Variants in PTK2 observed in about 807,000 individuals in gnomAD.
PTK2 encodes focal adhesion kinase 1.
Under a neutral mutation model 150.1 loss-of-function variants are expected in PTK2, and 45 were observed. That is an observed-to-expected ratio of 0.30 (90% CI 0.24 to 0.38). PTK2 has a LOEUF of 0.38. PTK2 is among the 10% of genes least tolerant of loss of function. PTK2 has a pLI of 1.00. For synonymous variants in PTK2, 432 were observed against 449.2 expected, an observed-to-expected ratio of 0.96 and a Z score of 0.48; for missense variants, 919 against 1,307.3, an observed-to-expected ratio of 0.70 and a Z score of 4.58.
chr8:140,878,226 A>G (rs1052495787), intron 4 of PTK2, among the ~76,000 whole-genome samples: 1 of 152,216 alleles, frequency 6.6e-6, no homozygotes, highest in Non-Finnish European at 1.5e-5. Flanking sequence ...TTAGCTTGGT[A>G]CCAGCTACCT....
At chr8:140,736,787 T>C (rs1336323054) in intron 21 of PTK2, among the ~76,000 whole-genome samples, 2 of 152,224 alleles carry the variant, frequency 1.3e-5, no homozygotes, top group Admixed American at 1.3e-4. Context: ...TAGTTCTTTA[T>C]AATGCTTTTC....
chr8:140,996,733 G>A (rs1043620602), intron 1 of PTK2, among the ~76,000 whole-genome samples: 4 of 152,198 alleles, frequency 2.6e-5, no homozygotes, highest in African/African-American at 9.7e-5. Context: ...GAGATCTACT[G>A]CTCAGAAAAA....
intron 8 of PTK2, among the ~76,000 whole-genome samples, chr8:140,824,321 G>A (rs551779046): frequency 1.3e-5 from 2 of 152,280 alleles, no homozygotes; most frequent in Admixed American, 6.5e-5. Context: ...TTTTTCTGTA[G>A]GCGGTGTTAC....
intron 7 of PTK2, among the ~76,000 whole-genome samples, chr8:140,843,804 C>A (rs764268980): frequency 6.6e-6 from 1 of 151,678 alleles, no homozygotes; most frequent in Non-Finnish European, 1.5e-5. Context: ...TAATATCTTG[C>A]ATTACTTTGG....
At chr8:140,934,514 T>C (rs2100172969) in intron 1 of PTK2, 1 of 152,208 alleles carries the variant, frequency 6.6e-6, no homozygotes, top group Non-Finnish European at 1.5e-5. Context: ...CCTTGATTCC[T>C]TAACTTTAGA....
At chr8:140,827,185 T>TA (rs2100112276) in intron 8 of PTK2, among the ~76,000 whole-genome samples, 1 of 152,000 alleles carries the variant, frequency 6.6e-6, no homozygotes, top group Non-Finnish European at 1.5e-5. Flanking sequence ...CCCCCTCAAC[T>TA]CCTACCTCAG....
intron 1 of PTK2, among the ~76,000 whole-genome samples, chr8:140,964,993 G>C (rs2100184738): frequency 6.6e-6 from 1 of 152,154 alleles, no homozygotes; most frequent in African/African-American, 2.4e-5. Context: ...CTGCTATCAT[G>C]AACGGATATG....
intron 1 of PTK2, among the ~76,000 whole-genome samples, chr8:140,974,997 A>G (rs1450944893): frequency 2.6e-5 from 4 of 152,248 alleles, no homozygotes; most frequent in African/African-American, 9.6e-5. Context: ...TCACGCCTGT[A>G]GATGAACTCA....
chr8:140,761,205 C>T, exon 16 of PTK2: 1 of 1,613,084 alleles, frequency 6.2e-7, no homozygotes, highest in Non-Finnish European at 8.5e-7. Context: ...TCCAAATTGG[C>T]CTTCTCCAAT....
At chr8:140,830,891 GGTAATACT>G (rs1176268506) in intron 7 of PTK2, among the ~76,000 whole-genome samples, 1 of 151,832 alleles carries the variant, frequency 6.6e-6, no homozygotes, top group Non-Finnish European at 1.5e-5. Flanking sequence ...CTTCCAACTG[GGTAATACT>G]GTATTTGTAG....
At chr8:140,798,068 G>C (rs2100092752) in intron 12 of PTK2, among the ~76,000 whole-genome samples, 1 of 152,134 alleles carries the variant, frequency 6.6e-6, no homozygotes, top group South Asian at 2.1e-4. Context: ...TTACTGTCAT[G>C]CTATGTTATG....
chr8:140,964,547 A>ATTTTT (rs1025644210), intron 1 of PTK2, among the ~76,000 whole-genome samples: 4 of 76,814 alleles, frequency 5.2e-5, no homozygotes, highest in Admixed American at 1.8e-4. Flanking sequence ...GCCCCAGGTA[A>ATTTTT]TTTTTTTTTT....
In PTK2 at chr8:140,942,131, A is replaced by C. The variant is rs1201039186; in HGVS notation, c.-121-16382T>G. On this transcript the variant is annotated intron_variant, in intron 1 of 31. Coordinates refer to ENST00000522684, the Ensembl canonical transcript of PTK2. ...TGGGCTCAAGCGATCCTCCCACCTCAGCCTCCCAAAGGGTTGGGATTACAG... is the reference window on the plus strand; with the variant it reads ...TGGGCTCAAGCGATCCTCCCACCTCCGCCTCCCAAAGGGTTGGGATTACAG... 2.0e-5 allele frequency among the ~76,000 whole-genome samples: 3 copies of C among 152,278 alleles called. No homozygotes were observed. The South Asian group carries it at 6.2e-4, about 32-fold the overall frequency.
chr8:140,877,412 TC>T (rs1178305124), intron 4 of PTK2, among the ~76,000 whole-genome samples: 2 of 152,148 alleles, frequency 1.3e-5, no homozygotes, highest in Non-Finnish European at 2.9e-5. Flanking sequence ...AGATAGGCAA[TC>T]TAATTTTTAA....
intron 1 of PTK2, among the ~76,000 whole-genome samples, chr8:140,975,973 T>C (rs551085205): frequency 2.7e-4 from 41 of 152,258 alleles, no homozygotes; most frequent in Non-Finnish European, 4.1e-4. Context: ...CCTGTGCCTT[T>C]AGTAGTAAAA....
At chr8:140,918,937 A>G (rs560564794) in intron 2 of PTK2, among the ~76,000 whole-genome samples, 1 of 152,314 alleles carries the variant, frequency 6.6e-6, no homozygotes, top group East Asian at 1.9e-4. Flanking sequence ...CTTATCACAC[A>G]GATAAAAATT....
intron 11 of PTK2, 101 bp from the exon 12 acceptor site, chr8:140,800,677 G>C (rs1170158005): frequency 2.4e-6 from 2 of 830,718 alleles, no homozygotes; most frequent in Non-Finnish European, 4.0e-6. Flanking sequence ...CTTGAAAACA[G>C]AGAAGAGTGG....
At chr8:140,813,882 T>A (rs560074244) in intron 10 of PTK2, among the ~76,000 whole-genome samples, 205 of 150,872 alleles carry the variant, frequency 1.4e-3, no homozygotes, top group African/African-American at 4.0e-3. Context: ...GTTGTTTTTT[T>A]AAAAAAAAAT....
At chr8:140,804,228 CTTTT>C (rs11449247) in intron 10 of PTK2, among the ~76,000 whole-genome samples, 4 of 147,270 alleles carry the variant, frequency 2.7e-5, no homozygotes, top group Admixed American at 6.8e-5. Flanking sequence ...TTGGCTTCTT[CTTTT>C]TTTTTTTCTT....
Sources: allele counts gnomAD v4.1 joint callset (sites outside exome capture counted in the v4.1 genomes callset), GRCh38; gene constraint gnomAD v4.1.1; transcripts MANE v1.5; gene names NCBI Gene and HGNC (gene_info 2026-07-23, HGNC 2026-07-21).